SCAMP1: variants seen among roughly 807,000 people sequenced by gnomAD.
SCAMP1 encodes the protein secretory carrier membrane protein 1.
Under a neutral mutation model 41.8 loss-of-function variants are expected in SCAMP1, and 15 were observed. The ratio of observed to expected loss-of-function variants is 0.36; its 90% confidence interval spans 0.24 to 0.55. SCAMP1 has a LOEUF of 0.55. Among genes scored for constraint, SCAMP1 ranks in the 20% least tolerant of loss-of-function variants. SCAMP1 has a pLI of 0.86. For missense variants in SCAMP1, 341 were observed against 412.6 expected (o/e 0.83, Z 1.50); for synonymous variants, 135 against 136.8 (o/e 0.99, Z 0.09).
chr5:78,411,065 A>C (rs765134261), intron 2 of SCAMP1, among the ~76,000 whole-genome samples: 26 of 152,096 alleles, frequency 1.7e-4, no homozygotes, highest in Admixed American at 3.9e-4. Context: ...AGATTGCAAA[A>C]ATTTTCTCCC....
intron 2 of SCAMP1, among the ~76,000 whole-genome samples, chr5:78,401,208 A>G (rs918011898): frequency 5.3e-5 from 8 of 151,908 alleles, no homozygotes; most frequent in Non-Finnish European, 1.2e-4. Context: ...TTTGTATGTG[A>G]TTCGTTTCAT....
In SCAMP1 at chr5:78,480,460, A is replaced by G. The variant is rs1052728963; in HGVS notation, c.*4792A>G. Among the ~76,000 whole-genome samples, 7 of 152,196 alleles carry G rather than the reference A, an allele frequency of 4.6e-5. No individual in the cohort carries two copies. Among genetic ancestry groups the G allele is most frequent in the Admixed American group, 4.6e-4 (7 of 15,282 alleles). The stretch of plus-strand genomic sequence containing the variant: ...ATATTTTGTATGCCAGTGATTCTCA[A>G]GATAAATCATGATTGTAGTAGTTGT... On this transcript the variant is annotated 3_prime_UTR_variant, in exon 9 of 9. Transcript: ENST00000621999.
intron 1 of SCAMP1, among the ~76,000 whole-genome samples, chr5:78,378,699 A>AT (rs1478353342): frequency 1.3e-5 from 2 of 152,254 alleles, no homozygotes; most frequent in African/African-American, 2.4e-5. Context: ...TTAACTAATG[A>AT]TGTAAAGATA....
At chr5:78,376,337 A>G (rs1014407521) in intron 1 of SCAMP1, among the ~76,000 whole-genome samples, 2 of 152,198 alleles carry the variant, frequency 1.3e-5, no homozygotes, top group African/African-American at 2.4e-5. Context: ...GCACATCTCA[A>G]TTGGACTACA....
chr5:78,422,305 A>G (rs1752356856), intron 6 of SCAMP1, among the ~76,000 whole-genome samples: 2 of 124,270 alleles, frequency 1.6e-5, no homozygotes, highest in African/African-American at 3.2e-5. Context: ...CAAAATCCCA[A>G]TTGGTGCTTA....
intron 5 of SCAMP1, 59 bp downstream of exon 5, chr5:78,418,962 G>A (rs550474603): frequency 1.5e-5 from 21 of 1,417,060 alleles, no homozygotes; most frequent in Non-Finnish European, 1.7e-5. Context: ...GTCAAAATCC[G>A]CATTTTTATT....
chr5:78,405,431 C>T (rs1041290592), intron 2 of SCAMP1, among the ~76,000 whole-genome samples: 2 of 152,172 alleles, frequency 1.3e-5, no homozygotes, highest in Non-Finnish European at 2.9e-5. Flanking sequence ...GTCTTCCCCC[C>T]AGGTAGATAA....
chr5:78,367,733 A>G (rs1228849596), intron 1 of SCAMP1, among the ~76,000 whole-genome samples: 2 of 152,220 alleles, frequency 1.3e-5, no homozygotes, highest in African/African-American at 4.8e-5. Context: ...TAGTCGTAGG[A>G]TAACTTCACT....
chr5:78,465,754 G>A (rs986432847), intron 8 of SCAMP1, among the ~76,000 whole-genome samples: 25 of 152,262 alleles, frequency 1.6e-4, no homozygotes, highest in Middle Eastern at 3.4e-3. Flanking sequence ...GGTTAATTGC[G>A]GGGAATTGGC....
At chr5:78,470,733 C>T (rs1158672556) in intron 8 of SCAMP1, among the ~76,000 whole-genome samples, 1 of 152,110 alleles carries the variant, frequency 6.6e-6, no homozygotes. Context: ...TTTTGAGGCA[C>T]CTCCAAACTC....
chr5:78,469,890 TAAAAAAAAAAAAAAAAAAAAAAC>T (rs1157479282), intron 8 of SCAMP1, among the ~76,000 whole-genome samples: 5 of 15,024 alleles, frequency 3.3e-4, no homozygotes, highest in Non-Finnish European at 6.8e-4. Flanking sequence ...TACAAGACAT[TAAAAAAAAAAAAAAAAAAAAAAC>T]AAAAAAAAAA....
intron 5 of SCAMP1, 147 bp from the exon 6 acceptor site, chr5:78,421,654 A>C (rs1752342397): frequency 7.0e-6 from 5 of 715,498 alleles, no homozygotes; most frequent in Non-Finnish European, 1.2e-5. Context: ...TGTAAGATAC[A>C]ACAGTGTTTT....
intron 8 of SCAMP1, among the ~76,000 whole-genome samples, chr5:78,462,043 G>T (rs1404685197): frequency 8.5e-5 from 13 of 152,104 alleles, no homozygotes; most frequent in African/African-American, 3.1e-4. Flanking sequence ...TGGACAGTAT[G>T]GTCATTGTAA....
chr5:78,432,890 C>A (rs932234232), intron 6 of SCAMP1, among the ~76,000 whole-genome samples: 8 of 152,100 alleles, frequency 5.3e-5, no homozygotes, highest in Non-Finnish European at 8.8e-5. Flanking sequence ...TTTGATATTG[C>A]CCCATGTCTC....
At position 78,398,850 on chromosome 5, in the gene SCAMP1, G is replaced by A. The variant is rs114471222; in HGVS notation, c.135+9936G>A. Reference sequence around the variant, plus strand: ...GTGAGCCACCGCGCATGGCCCCAGCGTTCATTCTTGATGTTGTACATTCTG... The same window carrying A: ...GTGAGCCACCGCGCATGGCCCCAGCATTCATTCTTGATGTTGTACATTCTG... On this transcript the variant is annotated intron_variant, in intron 2 of 8. Coordinates refer to ENST00000621999, the MANE Select transcript of SCAMP1 (RefSeq NM_004866.6). Among the ~76,000 whole-genome samples the A allele has an allele frequency of 3.9e-3, 588 of 152,034 alleles. 4 individuals carry two copies. Among genetic ancestry groups the A allele is most frequent in the African/African-American group, 0.013 (546 of 41,486 alleles).
At chr5:78,416,491 GTATTT>G (rs1561267237) in intron 3 of SCAMP1, 45 bp from the exon 4 acceptor site, 1 of 1,361,554 alleles carries the variant, frequency 7.3e-7, no homozygotes, top group Non-Finnish European at 1.0e-6. Context: ...AAATGTTAAA[GTATTT>G]TATACTTCTG....
chr5:78,417,815 A>G (rs1238888547), intron 4 of SCAMP1, among the ~76,000 whole-genome samples: 1 of 152,192 alleles, frequency 6.6e-6, no homozygotes, highest in Non-Finnish European at 1.5e-5. Context: ...AATGAACTAT[A>G]TGAAATTTGA....
Position 78,360,618 on chromosome 5 carries a change from C to CCTCGT in SCAMP1, c.-50_-46dup. The stretch of plus-strand genomic sequence containing the variant: ...AGCGCGCAGGGGGGCGGCGGCCTCG[C>CCTCGT]CTCGTCTCTCTCTCTGCGCCTGGGT... On this transcript the variant is annotated 5_prime_UTR_variant, in exon 1 of 9. Coordinates refer to ENST00000621999, the MANE Select transcript of SCAMP1 (RefSeq NM_004866.6). 1.3e-6 allele frequency: 2 copies of CCTCGT among 1,549,310 alleles called. No individual in the cohort carries two copies. The highest frequency in any genetic ancestry group is 1.8e-5 in the Admixed American group (1 of 54,528).
intron 5 of SCAMP1, among the ~76,000 whole-genome samples, chr5:78,419,608 T>G (rs1311620211): frequency 6.6e-6 from 1 of 152,180 alleles, no homozygotes; most frequent in Non-Finnish European, 1.5e-5. Flanking sequence ...TCAGCCTCAT[T>G]TTGATACCCT....
Sources: allele counts gnomAD v4.1 joint callset (sites outside exome capture counted in the v4.1 genomes callset), GRCh38; gene constraint gnomAD v4.1.1; transcripts MANE v1.5; gene names NCBI Gene and HGNC (gene_info 2026-07-23, HGNC 2026-07-21).